Variants in NOL9 observed in about 807,000 individuals in gnomAD.
NOL9 encodes polynucleotide 5'-hydroxyl-kinase NOL9.
NOL9 carries 28 observed loss-of-function variants against 67.9 expected under a neutral mutation model. That is an observed-to-expected ratio of 0.41 (90% CI 0.31 to 0.57). NOL9 has a LOEUF of 0.57. Among genes scored for constraint, NOL9 ranks in the 20% least tolerant of loss-of-function variants. NOL9 has a pLI of 0.25. For synonymous variants in NOL9, 356 were observed against 352.2 expected (o/e 1.01, Z -0.12); for missense variants, 777 against 897.0 (o/e 0.87, Z 1.71).
At chr1:6,532,177 G>A (rs2148652027) in intron 8 of NOL9, 98 bp from the exon 9 acceptor site, 1 of 969,946 alleles carries the variant, frequency 1.0e-6, no homozygotes. Flanking sequence ...CAGAGTACTG[G>A]GCTTTCCAAC....
chr1:6,537,940 G>A (rs758339278), intron 6 of NOL9, among the ~76,000 whole-genome samples: 2 of 129,890 alleles, frequency 1.5e-5, no homozygotes, highest in African/African-American at 2.9e-5. Context: ...TGGCTAACAC[G>A]GTGAAACCCC....
chr1:6,552,431 C>A (rs1639563178), intron 1 of NOL9, among the ~76,000 whole-genome samples: 1 of 152,016 alleles, frequency 6.6e-6, no homozygotes, highest in African/African-American at 2.4e-5. Flanking sequence ...ATGGCTGCAG[C>A]CTTTTAAATT....
intron 1 of NOL9, among the ~76,000 whole-genome samples, chr1:6,553,410 T>TA (rs1639587113): frequency 6.6e-6 from 1 of 152,156 alleles, no homozygotes; most frequent in Non-Finnish European, 1.5e-5. Flanking sequence ...TGTAAACACT[T>TA]AGAGAGAGGG....
chr1:6,539,871 T>C (rs1161574022), intron 6 of NOL9, among the ~76,000 whole-genome samples: 1 of 152,218 alleles, frequency 6.6e-6, no homozygotes, highest in South Asian at 2.1e-4. Context: ...GGATAAGTAT[T>C]GTGTGACTCC....
At position 6,541,223 on chromosome 1, in the gene NOL9, C is replaced by T. The variant is rs563361482; in HGVS notation, c.1075+607G>A. On this transcript the variant is annotated intron_variant, in intron 6 of 11. Transcript: ENST00000377705. ...GTTTTGAGATGGAGACTTGCTCTGC[C>T]GCCCAGGCTGGAGTCAGTGGCTTGA... Among the ~76,000 whole-genome samples the T allele has an allele frequency of 2.9e-4, 44 of 152,114 alleles. 1 individual carries two copies. The highest frequency in any genetic ancestry group is 5.2e-4 in the Admixed American group (8 of 15,256).
At chr1:6,548,217 A>T (rs953150914) in intron 3 of NOL9, 1 of 138,824 alleles carries the variant, frequency 7.2e-6, no homozygotes, top group Non-Finnish European at 1.5e-5. Flanking sequence ...GCGCAATCTC[A>T]GCTCACTGCA....
chr1:6,542,298 C>CTACA (rs777197977), intron 5 of NOL9, among the ~76,000 whole-genome samples: 109 of 150,278 alleles, frequency 7.3e-4, no homozygotes, highest in Non-Finnish European at 1.1e-3. Flanking sequence ...GTAGCTGGGA[C>CTACA]TACAGGCACC....
At position 6,553,049 on chromosome 1, in the gene NOL9, TG is replaced by T. The variant is rs551253827; in HGVS notation, c.396+1057del. On this transcript the variant is annotated intron_variant, in intron 1 of 11. Coordinates refer to ENST00000377705, the MANE Select transcript of NOL9 (RefSeq NM_024654.5). ...CTGGTCTCAAACTCCTGACCTCAGA[TG>T]ATCTGCCAGCTTCGGCTTCCCAAAG... Among the ~76,000 whole-genome samples, 6 of 152,328 alleles carry T rather than the reference TG, an allele frequency of 3.9e-5. No homozygotes were observed. The South Asian group carries it at 1.2e-3, about 32-fold the overall frequency.
rs1312642695 is a variant in NOL9, at chr1:6,525,947, AG to A, written c.2015del (p.Pro672LeufsTer30). The A allele has an allele frequency of 1.9e-6, 3 of 1,613,998 alleles. No individual in the cohort carries two copies. The highest frequency in any genetic ancestry group is 2.5e-6 in the Non-Finnish European group (3 of 1,179,880). On this transcript the variant is annotated frameshift_variant, in exon 12 of 12. Transcript: ENST00000377705. LOFTEE classifies it low-confidence loss of function (END_TRUNC). ...TTGCTCCAATTTTCTCTGATGCTCCAGGAAGTTTAAAATTGTAATCCGTTGT... is the reference window on the plus strand; with the variant it reads ...TTGCTCCAATTTTCTCTGATGCTCCAGAAGTTTAAAATTGTAATCCGTTGT... ...YVTTDYNFKLPGASEKIGARE... is the reference protein window; with the variant it reads ...YVTTDYNFKLXGASEKIGARE...
chr1:6,545,448 C>T (rs1051691400), intron 3 of NOL9, among the ~76,000 whole-genome samples: 1 of 152,216 alleles, frequency 6.6e-6, no homozygotes, highest in African/African-American at 2.4e-5. Flanking sequence ...TAAGACATGA[C>T]TGCACAGGAA....
At chr1:6,545,808 G>A (rs1198101809) in intron 3 of NOL9, among the ~76,000 whole-genome samples, 1 of 151,808 alleles carries the variant, frequency 6.6e-6, no homozygotes, top group African/African-American at 2.4e-5. Flanking sequence ...CAGCTACTTG[G>A]GAGGCTGAAG....
In NOL9 at chr1:6,535,567, T is replaced by C. The variant is rs375868011; in HGVS notation, c.1076-2126A>G. On this transcript the variant is annotated intron_variant, in intron 6 of 11. Coordinates refer to ENST00000377705, the MANE Select transcript of NOL9 (RefSeq NM_024654.5). ...CAGAGCGGCTGCTTATACATAGGGA[T>C]ATTGTACACATAAATTAATGTGTTC... 5.9e-5 allele frequency among the ~76,000 whole-genome samples: 9 copies of C among 152,290 alleles called. No homozygotes were observed. The South Asian group carries it at 1.7e-3, about 28-fold the overall frequency.
At chr1:6,537,234 C>A (rs1298146359) in intron 6 of NOL9, among the ~76,000 whole-genome samples, 1 of 151,706 alleles carries the variant, frequency 6.6e-6, no homozygotes, top group Admixed American at 6.6e-5. Context: ...ACACCATATA[C>A]AAAAATCAAC....
In NOL9 at chr1:6,541,818, T is replaced by C. The variant is rs751056337; in HGVS notation, c.1075+12A>G. ...ATAAAACCAAGACATTTGAGAAATATGTAATACATACCCAGAACTGGTTCT... is the reference window on the plus strand; with the variant it reads ...ATAAAACCAAGACATTTGAGAAATACGTAATACATACCCAGAACTGGTTCT... On this transcript the variant is annotated intron_variant, in intron 6 of 11. Transcript: ENST00000377705. The C allele has an allele frequency of 5.4e-6, 8 of 1,493,618 alleles. 1 individual carries two copies. Among genetic ancestry groups the C allele is most frequent in the Admixed American group, 4.0e-5 (2 of 49,398 alleles). 92.5% of individuals were successfully genotyped at this position (1,493,618 alleles called of 1,614,324 possible).
intron 8 of NOL9, 26 bp from the exon 9 acceptor site, chr1:6,532,105 A>T: frequency 6.4e-7 from 1 of 1,566,072 alleles, no homozygotes; most frequent in Non-Finnish European, 8.8e-7. Context: ...CAACAAGGTA[A>T]GTAGACATTT....
chr1:6,553,902 AG>A (rs1389338577), intron 1 of NOL9, among the ~76,000 whole-genome samples: 1 of 152,164 alleles, frequency 6.6e-6, no homozygotes, highest in African/African-American at 2.4e-5. Context: ...CGTAAGGCCT[AG>A]GGACCCCTTA....
rs755045515 is a variant in NOL9, at chr1:6,529,891, A to T, written c.1648-720T>A. Among the ~76,000 whole-genome samples, 35 of 152,094 alleles carry T rather than the reference A, an allele frequency of 2.3e-4. 1 individual carries two copies. The highest frequency in any genetic ancestry group is 2.9e-5 in the Non-Finnish European group (2 of 68,038). The stretch of plus-strand genomic sequence containing the variant: ...CAGTGAACTGAGATCGTGCCACTGC[A>T]CTCCAGCTTGAATGACAGACCAAGA... On this transcript the variant is annotated intron_variant, in intron 9 of 11. Transcript: ENST00000377705.
At chr1:6,533,549 T>G (rs1639082207) in intron 6 of NOL9, 108 bp from the exon 7 acceptor site, 2 of 804,864 alleles carry the variant, frequency 2.5e-6, no homozygotes, top group South Asian at 5.9e-5. Flanking sequence ...ACAAAGAACC[T>G]TAGGAAATCT....
At chr1:6,535,806 T>C (rs1639139858) in intron 6 of NOL9, among the ~76,000 whole-genome samples, 1 of 151,660 alleles carries the variant, frequency 6.6e-6, no homozygotes, top group East Asian at 1.9e-4. Flanking sequence ...CGGGTGCCTG[T>C]AATCCCAGCT....
Sources: allele counts gnomAD v4.1 joint callset (sites outside exome capture counted in the v4.1 genomes callset), GRCh38; gene constraint gnomAD v4.1.1; transcripts MANE v1.5; gene names NCBI Gene and HGNC (gene_info 2026-07-23, HGNC 2026-07-21).